Variants in CDH23 observed in about 807,000 individuals in gnomAD.
CDH23 encodes cadherin-23.
CDH23 carries 189 observed loss-of-function variants against 317.1 expected under a neutral mutation model. That is an observed-to-expected ratio of 0.60 (90% CI 0.53 to 0.67). The LOEUF (loss-of-function observed/expected upper bound fraction) is 0.67. CDH23 is among the 30% of genes least tolerant of loss of function. CDH23 has a pLI of 0.00. For missense variants in CDH23, 4,401 were observed against 4,592.4 expected, an observed-to-expected ratio of 0.96 and a Z score of 1.20; for synonymous variants, 1,839 against 1,876.8, an observed-to-expected ratio of 0.98 and a Z score of 0.52.
chr10:71,809,998 T>G lies in CDH23; in HGVS notation c.8901T>G (p.Arg2967=), dbSNP rs375720093. The G allele has an allele frequency of 9.7e-5, 157 of 1,612,336 alleles. 1 individual carries two copies. In the South Asian group the frequency reaches 1.6e-3, roughly 17 times the overall value. Residue 2967 remains arginine, a synonymous_variant, in exon 61 of 70, where the codon CGT becomes CGG. Coordinates refer to ENST00000224721, the MANE Select transcript of CDH23 (RefSeq NM_022124.6). ...TCGTCATTAACGAGATCCCCGACCG[T>G]GTGCGCGGCTTCGAGGAGGAGTTCA... ...VKIVINEIPD[R]VRGFEEEFIH... is the part of the protein sequence containing the mutation.
At chr10:71,552,537 A>G (rs1856655359) in intron 6 of CDH23, among the ~76,000 whole-genome samples, 1 of 152,136 alleles carries the variant, frequency 6.6e-6, no homozygotes, top group South Asian at 2.1e-4. Context: ...AAAAAACAGG[A>G]AAGGGAGGGA....
chr10:71,647,188 C>A, intron 14 of CDH23: 1 of 733,598 alleles, frequency 1.4e-6, no homozygotes, highest in Non-Finnish European at 1.7e-6. Context: ...TCAGGCCGGG[C>A]TCGGTGGCTC....
intron 6 of CDH23, among the ~76,000 whole-genome samples, chr10:71,559,728 C>G (rs567990131): frequency 2.2e-4 from 33 of 152,296 alleles, no homozygotes; most frequent in Admixed American, 2.0e-3. Flanking sequence ...TGACTTAGGG[C>G]CCAGGCCACA....
At chr10:71,752,520 G>C (rs1303663717) in intron 38 of CDH23, among the ~76,000 whole-genome samples, 2 of 152,136 alleles carry the variant, frequency 1.3e-5, no homozygotes, top group Non-Finnish European at 2.9e-5. Context: ...CATCCCCTCT[G>C]CCCCTAGACC....
chr10:71,682,542 C>A lies in CDH23; in HGVS notation c.1956C>A (p.Asn652Lys). 1.2e-6 allele frequency: 2 copies of A among 1,613,698 alleles called. No homozygotes were observed. Among genetic ancestry groups the A allele is most frequent in the South Asian group, 1.1e-5 (1 of 90,934 alleles). ...MAMDAGNPPL[N>K]STVPVTIEVF... ...TGGATGCTGGCAACCCCCCTCTCAA[C>A]AGCACCGTCCCTGTCACCATCGAGG... The change falls in exon 18 of 70, where the codon AAC (asparagine) becomes AAA (lysine). Residue 652 changes from asparagine to lysine, a missense_variant. Coordinates refer to ENST00000224721, the MANE Select transcript of CDH23 (RefSeq NM_022124.6).
At chr10:71,584,764 C>T (rs1858928303) in intron 9 of CDH23, among the ~76,000 whole-genome samples, 2 of 152,178 alleles carry the variant, frequency 1.3e-5, no homozygotes, top group Non-Finnish European at 2.9e-5. Flanking sequence ...GAAGTAAAAA[C>T]TCAGGAAAAG....
At chr10:71,399,249 G>A (rs1340409440) in intron 1 of CDH23, among the ~76,000 whole-genome samples, 2 of 152,216 alleles carry the variant, frequency 1.3e-5, no homozygotes, top group South Asian at 2.1e-4. Flanking sequence ...ATCACCTGGG[G>A]ACTTGTTAGA....
intron 3 of CDH23, among the ~76,000 whole-genome samples, chr10:71,484,472 C>T (rs1852236783): frequency 6.6e-6 from 1 of 152,178 alleles, no homozygotes; most frequent in Non-Finnish European, 1.5e-5. Flanking sequence ...CAGCACAGGA[C>T]AGGCTGGCTG....
intron 3 of CDH23, among the ~76,000 whole-genome samples, chr10:71,507,084 T>C (rs763034089): frequency 1.1e-4 from 17 of 152,234 alleles, no homozygotes; most frequent in African/African-American, 4.1e-4. Context: ...CAGAATCCTC[T>C]TGGCCAGCTG....
intron 6 of CDH23, among the ~76,000 whole-genome samples, chr10:71,523,871 C>CT (rs1380977953): frequency 6.6e-6 from 1 of 152,180 alleles, no homozygotes; most frequent in Non-Finnish European, 1.5e-5. Flanking sequence ...CCAGCCTCCC[C>CT]TTAAAGATTC....
chr10:71,759,909 A>G (rs1840270886), intron 38 of CDH23, among the ~76,000 whole-genome samples: 1 of 98,586 alleles, frequency 1.0e-5, no homozygotes, highest in African/African-American at 3.5e-5. Context: ...ATATATACAC[A>G]CACACATATA....
Position 71,751,053 on chromosome 10 carries a change from A to G in CDH23, c.4845+9132A>G. On this transcript the variant is annotated intron_variant, in intron 38 of 69. Transcript: ENST00000224721. This position sits in a 1 kb window ranked among gnomAD's most constrained non-coding sequence, Gnocchi z 4.9. ...CTCAGCACCCCAAAATCCTTGGAAC[A>G]GGGGCTGAGCCGTCCAGCATCCCCA... 1.7e-6 allele frequency: 1 copy of G among 597,610 alleles called. No individual in the cohort carries two copies. Among genetic ancestry groups the G allele is most frequent in the Non-Finnish European group, 2.9e-6 (1 of 348,632 alleles). 37.0% of individuals were successfully genotyped at this position (597,610 alleles called of 1,614,324 possible). A position where few individuals can be genotyped will look rare whatever the true frequency, so the allele number is the denominator to read the frequency against.
intron 14 of CDH23, 129 bp from the exon 15 acceptor site, chr10:71,674,970 TTTCACCAGGCCTC>T: frequency 2.7e-6 from 2 of 734,528 alleles, no homozygotes; most frequent in Admixed American, 4.1e-5. Context: ...GGCAGCAGGC[TTTCACCAGGCCTC>T]ACTGGGGTCT....
At chr10:71,589,041 C>T (rs1283090434) in intron 9 of CDH23, among the ~76,000 whole-genome samples, 2 of 152,218 alleles carry the variant, frequency 1.3e-5, no homozygotes, top group Non-Finnish European at 2.9e-5. Flanking sequence ...GTCTGCAGCC[C>T]TTCCCTCTAC....
intron 38 of CDH23, chr10:71,761,743 G>A (rs753493852): frequency 1.2e-5 from 19 of 1,614,020 alleles, no homozygotes; most frequent in Non-Finnish European, 1.5e-5. Flanking sequence ...GGTGGTCGGA[G>A]GCCGACTCCA....
intron 9 of CDH23, among the ~76,000 whole-genome samples, chr10:71,593,275 C>T (rs1859621319): frequency 6.6e-6 from 1 of 151,988 alleles, no homozygotes; most frequent in South Asian, 2.1e-4. Context: ...TAGCTCACCA[C>T]GTTGAAAAAA....
chr10:71,574,462 A>AG (rs144584204), intron 8 of CDH23, among the ~76,000 whole-genome samples: 4,909 of 152,290 alleles, frequency 0.032, 97 homozygotes, highest in Middle Eastern at 0.061. Context: ...ACTGAGAAAT[A>AG]GGATTTGCTA....
At chr10:71,632,912 A>G (rs982434602) in intron 11 of CDH23, among the ~76,000 whole-genome samples, 4 of 152,164 alleles carry the variant, frequency 2.6e-5, no homozygotes, top group African/African-American at 9.7e-5. Flanking sequence ...TCTTACAGCT[A>G]TGGAGGCTGA....
At chr10:71,479,445 G>T (rs887682598) in intron 3 of CDH23, among the ~76,000 whole-genome samples, 3 of 152,154 alleles carry the variant, frequency 2.0e-5, no homozygotes, top group African/African-American at 7.2e-5. Flanking sequence ...AAGGGACTGC[G>T]GCCAAGGTGA....
Sources: gnomAD v4.1 joint callset for allele counts (sites outside exome capture counted in the v4.1 genomes callset) on GRCh38, gnomAD v4.1.1 for gene constraint, Gnocchi (gnomAD v3.1) non-coding constraint, MANE v1.5 for transcripts, NCBI Gene and HGNC (gene_info 2026-07-23, HGNC 2026-07-21) for gene names.